KIF26B: variants seen among roughly 807,000 people sequenced by gnomAD.
KIF26B encodes kinesin family member 26B.
KIF26B carries 63 observed loss-of-function variants against 151.2 expected under a neutral mutation model. The ratio of observed to expected loss-of-function variants is 0.42; its 90% CI spans 0.34 to 0.51. The LOEUF (loss-of-function observed/expected upper bound fraction) is 0.51. Among genes scored for constraint, KIF26B ranks in the 20% least tolerant of loss-of-function variants. The probability of loss-of-function intolerance (pLI) is 0.07; values close to 1 mark genes in which losing one functional copy is unlikely to be tolerated. For missense variants in KIF26B, 2,813 were observed against 2,913.6 expected, an observed-to-expected ratio of 0.97 and a Z score of 0.79; for synonymous variants, 1,357 against 1,262.1, an observed-to-expected ratio of 1.08 and a Z score of -1.59.
intron 3 of KIF26B, among the ~76,000 whole-genome samples, chr1:245,401,435 T>C (rs1272745000): frequency 1.3e-5 from 2 of 152,242 alleles, no homozygotes; most frequent in Non-Finnish European, 2.9e-5. Context: ...TTATTGCCCT[T>C]GTAAACCCAT....
At chr1:245,439,538 A>G (rs1011926058) in intron 4 of KIF26B, among the ~76,000 whole-genome samples, 1 of 152,044 alleles carries the variant, frequency 6.6e-6, no homozygotes, top group Non-Finnish European at 1.5e-5. Context: ...CTCATTAACT[A>G]TTTTTTCCCC....
intron 5 of KIF26B, among the ~76,000 whole-genome samples, chr1:245,596,036 A>G (rs951900509): frequency 6.6e-6 from 1 of 151,944 alleles, no homozygotes; most frequent in Non-Finnish European, 1.5e-5. Context: ...TATTGTGTCT[A>G]TTTGATTCTT....
intron 2 of KIF26B, among the ~76,000 whole-genome samples, chr1:245,174,671 C>A (rs1363643602): frequency 6.6e-6 from 1 of 152,034 alleles, no homozygotes; most frequent in African/African-American, 2.4e-5. Flanking sequence ...CACACCTGGC[C>A]CCTCAGCAAC....
At position 245,704,486 on chromosome 1, in the gene KIF26B, G is replaced by C. The variant is rs1206645524; in HGVS notation, c.*1880G>C. On this transcript the variant is annotated 3_prime_UTR_variant, in exon 15 of 15. Transcript: ENST00000407071. ...TTTGGAAGCCAGCTCCCTGGGTCAC[G>C]AGTCTGGCTTTGCACTTTCCATAAG... The C allele has an allele frequency of 6.6e-6, 1 of 152,244 alleles. No homozygotes were observed. The highest frequency in any genetic ancestry group is 2.4e-5 in the African/African-American group (1 of 41,464). The allele number at this position is 152,244 out of a possible 1,614,324, so 9.4% of individuals were successfully genotyped here.
At position 245,314,481 on chromosome 1, in the gene KIF26B, G is replaced by A. The variant is rs569353994; in HGVS notation, c.466-52353G>A. On this transcript the variant is annotated intron_variant, in intron 2 of 14. Coordinates refer to ENST00000407071, the MANE Select transcript of KIF26B (RefSeq NM_018012.4). ...AAAAGAAAAAGCAAACAAACAAACA[G>A]CCCTTACATTCAGCATAGGGCTTAG... Among the ~76,000 whole-genome samples, 141 of 152,188 alleles carry A rather than the reference G, an allele frequency of 9.3e-4. 1 individual carries two copies. The highest frequency in any genetic ancestry group is 3.2e-3 in the African/African-American group (132 of 41,528).
Position 245,366,903 on chromosome 1 carries a change from G to A in KIF26B, c.535G>A (p.Asp179Asn), listed in dbSNP as rs766430523. 6.2e-6 allele frequency: 10 copies of A among 1,613,916 alleles called. No individual in the cohort carries two copies. The highest frequency in any genetic ancestry group is 2.2e-5 in the East Asian group (1 of 44,898). Reference protein sequence around the residue: ...VPNTIRKAWNDRDNRCDICAT... With the variant: ...VPNTIRKAWNNRDNRCDICAT... ...CAACACCATCCGGAAGGCATGGAAC[G>A]ACCGGGACAACCGCTGTGACATTTG... The change falls in exon 3 of 15, where the codon GAC becomes AAC. Residue 179 changes from aspartate to asparagine, a missense_variant. Transcript: ENST00000407071.
At chr1:245,591,964 AGC>A (rs1279261866) in intron 5 of KIF26B, among the ~76,000 whole-genome samples, 1 of 152,032 alleles carries the variant, frequency 6.6e-6, no homozygotes, top group East Asian at 1.9e-4. Context: ...CCCTCCCTCC[AGC>A]GCGCAGTCCC....
intron 5 of KIF26B, among the ~76,000 whole-genome samples, chr1:245,583,732 C>A (rs758149800): frequency 6.6e-6 from 1 of 152,202 alleles, no homozygotes; most frequent in Non-Finnish European, 1.5e-5. Context: ...CACCACCTCA[C>A]TTTCGGTGTG....
intron 3 of KIF26B, among the ~76,000 whole-genome samples, chr1:245,378,082 A>G (rs1673319418): frequency 1.3e-5 from 2 of 152,270 alleles, no homozygotes; most frequent in Admixed American, 6.5e-5. Flanking sequence ...TTGGGCCACC[A>G]CCTGAGAGTA....
chr1:245,310,954 T>G (rs1558384378), intron 2 of KIF26B, among the ~76,000 whole-genome samples: 1 of 152,100 alleles, frequency 6.6e-6, no homozygotes, highest in East Asian at 1.9e-4. Context: ...GATTGAAACT[T>G]AAGTTGTTTG....
At chr1:245,395,858 C>T (rs1447846698) in intron 3 of KIF26B, among the ~76,000 whole-genome samples, 4 of 152,190 alleles carry the variant, frequency 2.6e-5, no homozygotes, top group African/African-American at 9.7e-5. Context: ...CATTTACATC[C>T]TTCCTTGGCT....
chr1:245,366,915 C>G lies in KIF26B; in HGVS notation c.547C>G (p.Arg183Gly). ...IRKAWNDRDN[R>G]CDICATHLNQ... ...GAAGGCATGGAACGACCGGGACAAC[C>G]GCTGTGACATTTGCGCCACTCACCT... Residue 183 changes from arginine to glycine, a missense_variant, in exon 3 of 15, where the codon CGC becomes GGC. Transcript: ENST00000407071. 1 of 1,614,050 alleles carries G rather than the reference C, an allele frequency of 6.2e-7. No homozygotes were observed. Among genetic ancestry groups the G allele is most frequent in the Non-Finnish European group, 8.5e-7 (1 of 1,179,904 alleles).
At chr1:245,490,375 G>C (rs1278104985) in intron 4 of KIF26B, among the ~76,000 whole-genome samples, 1 of 140,198 alleles carries the variant, frequency 7.1e-6, no homozygotes. Context: ...GCAGTGGCGC[G>C]ATCTCGGCTC....
intron 2 of KIF26B, among the ~76,000 whole-genome samples, chr1:245,212,921 C>T (rs573994043): frequency 6.6e-6 from 1 of 152,326 alleles, no homozygotes; most frequent in East Asian, 1.9e-4. Flanking sequence ...GATGGGGGTT[C>T]TCCCTGGCGC....
intron 4 of KIF26B, among the ~76,000 whole-genome samples, chr1:245,507,204 G>C (rs907292144): frequency 6.6e-6 from 1 of 152,158 alleles, no homozygotes; most frequent in South Asian, 2.1e-4. Flanking sequence ...TGTGGAGATT[G>C]CTGGTAATAA....
At chr1:245,555,850 G>C (rs983278676) in intron 5 of KIF26B, among the ~76,000 whole-genome samples, 2 of 152,110 alleles carry the variant, frequency 1.3e-5, no homozygotes, top group African/African-American at 4.8e-5. Context: ...GACTTGGGGG[G>C]GTTCATTTTG....
intron 2 of KIF26B, among the ~76,000 whole-genome samples, chr1:245,268,484 A>ATAC (rs986125413): frequency 4.1e-4 from 55 of 134,638 alleles, no homozygotes; most frequent in African/African-American, 1.5e-3. Context: ...AATAATAATA[A>ATAC]TAATAATAAT....
intron 2 of KIF26B, among the ~76,000 whole-genome samples, chr1:245,209,409 AAAAC>A (rs1669467896): frequency 6.6e-6 from 1 of 151,730 alleles, no homozygotes. Flanking sequence ...TAAAAAAAAT[AAAAC>A]AAGAAAAAAA....
At chr1:245,610,927 A>G (rs1027190551) in intron 8 of KIF26B, among the ~76,000 whole-genome samples, 2 of 152,338 alleles carry the variant, frequency 1.3e-5, no homozygotes, top group African/African-American at 4.8e-5. Context: ...ATTTGTACCA[A>G]CCTTAAGACA....
Sources: gnomAD v4.1 joint callset for allele counts (sites outside exome capture counted in the v4.1 genomes callset) on GRCh38, gnomAD v4.1.1 for gene constraint, MANE v1.5 for transcripts, NCBI Gene and HGNC (gene_info 2026-07-23, HGNC 2026-07-21) for gene names.